IQCM: variants seen among roughly 807,000 people sequenced by gnomAD.
IQCM encodes the protein IQ domain-containing protein M.
Under a neutral mutation model 57.6 loss-of-function variants are expected in IQCM, and 45 were observed. The ratio of observed to expected loss-of-function variants is 0.78; its 90% CI spans 0.62 to 1.00. IQCM has a LOEUF of 1.00. IQCM is among the 50% of genes least tolerant of loss of function. IQCM has a pLI of 0.00. For missense variants in IQCM, 468 were observed against 511.6 expected (o/e 0.91, Z 0.82); for synonymous variants, 148 against 158.9 (o/e 0.93, Z 0.51).
At chr4:149,661,328 TC>T (rs772916008) in intron 7 of IQCM, among the ~76,000 whole-genome samples, 10 of 152,188 alleles carry the variant, frequency 6.6e-5, no homozygotes, top group Non-Finnish European at 1.3e-4. Flanking sequence ...TACTGAATGA[TC>T]TTTTTAATGT....
chr4:149,470,017 A>G (rs1036558385), intron 12 of IQCM, among the ~76,000 whole-genome samples: 1 of 152,210 alleles, frequency 6.6e-6, no homozygotes, highest in African/African-American at 2.4e-5. Flanking sequence ...CACTGCAAAA[A>G]CATGCCACAT....
intron 12 of IQCM, among the ~76,000 whole-genome samples, chr4:149,445,038 T>A (rs1736352686): frequency 6.6e-6 from 1 of 152,080 alleles, no homozygotes; most frequent in African/African-American, 2.4e-5. Context: ...TATAATACAC[T>A]GTGACTGGAT....
chr4:149,553,215 G>A lies in IQCM; in HGVS notation c.1021C>T (p.Arg341Ter), dbSNP rs72955482. ...YGRLIHRVRY[R>*]RGLWRTRQIL... ...TGTCTTGTCCTCCAAAGACCACGTCGATATCTAACACGGTGGATTAGTCTG... is the reference window on the plus strand; with the variant it reads ...TGTCTTGTCCTCCAAAGACCACGTCAATATCTAACACGGTGGATTAGTCTG... Residue 341 changes from arginine to a stop codon, truncating the protein, a stop_gained, in exon 11 of 14, where the codon CGA (arginine) becomes TGA (stop). Coordinates refer to ENST00000636793, the MANE Select transcript of IQCM (RefSeq NM_001363507.2). LOFTEE classifies it high-confidence loss of function. 5.6e-4 allele frequency: 695 copies of A among 1,231,848 alleles called. 3 individuals carry two copies. In the African/African-American group the frequency reaches 9.6e-3, roughly 17 times the overall value. The allele number at this position is 1,231,848 out of a possible 1,614,324, so 76.3% of individuals were successfully genotyped here. A position where few individuals can be genotyped will look rare whatever the true frequency, so the allele number is the denominator to read the frequency against.
intron 2 of IQCM, among the ~76,000 whole-genome samples, chr4:149,786,481 A>C (rs1772092174): frequency 6.6e-6 from 1 of 152,226 alleles, no homozygotes; most frequent in Non-Finnish European, 1.5e-5. Context: ...CAAATTCACA[A>C]GAAAAAGAAC....
intron 2 of IQCM, among the ~76,000 whole-genome samples, chr4:149,771,303 T>C (rs1770554736): frequency 6.6e-6 from 1 of 152,022 alleles, no homozygotes; most frequent in South Asian, 2.1e-4. Flanking sequence ...TATCTGCCCC[T>C]GTCAAGCACA....
chr4:149,661,173 T>C (rs1457005933), intron 7 of IQCM, among the ~76,000 whole-genome samples: 1 of 152,198 alleles, frequency 6.6e-6, no homozygotes, highest in Admixed American at 6.6e-5. Flanking sequence ...GGAAATGATG[T>C]TGAATTTTGT....
intron 8 of IQCM, among the ~76,000 whole-genome samples, chr4:149,605,120 A>G (rs1190638760): frequency 6.6e-6 from 1 of 152,196 alleles, no homozygotes; most frequent in Non-Finnish European, 1.5e-5. Flanking sequence ...TCTTTCCCAC[A>G]TAAGGATATC....
intron 13 of IQCM, among the ~76,000 whole-genome samples, chr4:149,368,899 T>C (rs1455970772): frequency 1.1e-5 from 1 of 93,540 alleles, no homozygotes; most frequent in Admixed American, 1.1e-4. Flanking sequence ...TGTATATATA[T>C]ACACGTGTAT....
chr4:149,391,149 T>A (rs1731824449), intron 13 of IQCM, among the ~76,000 whole-genome samples: 1 of 151,892 alleles, frequency 6.6e-6, no homozygotes, highest in African/African-American at 2.4e-5. Context: ...ATGAGAAGGG[T>A]TTTAACTAGT....
At chr4:149,596,657 G>A (rs1014837036) in intron 8 of IQCM, among the ~76,000 whole-genome samples, 2 of 152,084 alleles carry the variant, frequency 1.3e-5, no homozygotes, top group African/African-American at 2.4e-5. Flanking sequence ...TTGGCTCTGA[G>A]TGAAGAGATA....
chr4:149,355,578 A>AT (rs1341478726), intron 13 of IQCM, among the ~76,000 whole-genome samples: 1 of 152,032 alleles, frequency 6.6e-6, no homozygotes, highest in Admixed American at 6.6e-5. Context: ...TGAACTCATC[A>AT]TTTTTTATAG....
intron 8 of IQCM, among the ~76,000 whole-genome samples, chr4:149,607,060 G>A (rs767539743): frequency 3.3e-5 from 5 of 151,850 alleles, no homozygotes; most frequent in African/African-American, 1.2e-4. Flanking sequence ...TGTACAAGAA[G>A]CTCAAAGAAT....
intron 5 of IQCM, among the ~76,000 whole-genome samples, chr4:149,689,039 T>G (rs1762754823): frequency 6.6e-6 from 1 of 152,052 alleles, no homozygotes; most frequent in African/African-American, 2.4e-5. Context: ...GACATTGGCT[T>G]AGGCAAGGAT....
intron 12 of IQCM, among the ~76,000 whole-genome samples, chr4:149,539,338 A>C (rs1747616975): frequency 6.6e-6 from 1 of 152,170 alleles, no homozygotes; most frequent in Non-Finnish European, 1.5e-5. Context: ...ATGAGAAATG[A>C]CAAATCTATA....
At chr4:149,619,103 GATGGATATATATATAT>G (rs1024526154) in intron 8 of IQCM, among the ~76,000 whole-genome samples, 10 of 104,386 alleles carry the variant, frequency 9.6e-5, no homozygotes, top group African/African-American at 4.7e-4. Context: ...AAAAATGTGG[GATGGATATATATATAT>G]ATATATATAT....
chr4:149,783,071 T>C (rs1771756075), intron 2 of IQCM, among the ~76,000 whole-genome samples: 1 of 152,202 alleles, frequency 6.6e-6, no homozygotes. Context: ...CTTAAATGTA[T>C]ATCTATAGTA....
Position 149,770,506 on chromosome 4 carries a change from G to A in IQCM, c.-48-27767C>T, listed in dbSNP as rs191579554. 7.2e-5 allele frequency among the ~76,000 whole-genome samples: 11 copies of A among 152,178 alleles called. 1 individual carries two copies. In the East Asian group the frequency reaches 2.1e-3, roughly 29 times the overall value. ...GAAAAATAAAACAAAACCTATGGAC[G>A]ATATCCTTTATGAACATAGATGCAA... On this transcript the variant is annotated intron_variant, in intron 2 of 13. Coordinates refer to ENST00000636793, the MANE Select transcript of IQCM (RefSeq NM_001363507.2).
At chr4:149,724,479 T>C (rs1444464826) in intron 5 of IQCM, among the ~76,000 whole-genome samples, 4 of 151,938 alleles carry the variant, frequency 2.6e-5, no homozygotes, top group Non-Finnish European at 5.9e-5. Flanking sequence ...TTTCTCTCTC[T>C]CTCTGACACA....
Position 149,742,560 on chromosome 4 carries a change from G to A in IQCM, c.37+95C>T, listed in dbSNP as rs149110515. ...ATCCTTTCAAGATGTGCCAATAAGT[G>A]TAGTGCTCTGAGGGTCACTAATTAA... On this transcript the variant is annotated intron_variant, in intron 3 of 13. Transcript: ENST00000636793. The A allele has an allele frequency of 3.5e-4, 215 of 607,296 alleles. No homozygotes were observed. The African/African-American group carries it at 3.7e-3, about 11-fold the overall frequency. The allele number at this position is 607,296 out of a possible 1,614,324, so 37.6% of individuals were successfully genotyped here. A position where few individuals can be genotyped will look rare whatever the true frequency, so the allele number is the denominator to read the frequency against.
Sources: allele counts gnomAD v4.1 joint callset (sites outside exome capture counted in the v4.1 genomes callset), GRCh38; gene constraint gnomAD v4.1.1; transcripts MANE v1.5; gene names NCBI Gene and HGNC (gene_info 2026-07-23, HGNC 2026-07-21).